ARRB1: variants seen among roughly 807,000 people sequenced by gnomAD.
The protein encoded by ARRB1 is arrestin beta 1.
Under a neutral mutation model 56.8 loss-of-function variants are expected in ARRB1, and 21 were observed. The ratio of observed to expected loss-of-function variants is 0.37; its 90% CI spans 0.26 to 0.53. ARRB1 has a LOEUF of 0.53. ARRB1 is among the 20% of genes least tolerant of loss of function. The pLI is 0.88. For missense variants in ARRB1, 424 were observed against 553.7 expected, an observed-to-expected ratio of 0.77 and a Z score of 2.35; for synonymous variants, 210 against 218.6, an observed-to-expected ratio of 0.96 and a Z score of 0.35.
intron 15 of ARRB1, among the ~76,000 whole-genome samples, chr11:75,266,702 C>T (rs1945924670): frequency 6.6e-6 from 1 of 152,150 alleles, no homozygotes; most frequent in African/African-American, 2.4e-5. Context: ...GCAAACCCCA[C>T]CCCACCACCC....
At chr11:75,344,016 C>T (rs774089581) in intron 1 of ARRB1, among the ~76,000 whole-genome samples, 7 of 152,128 alleles carry the variant, frequency 4.6e-5, no homozygotes, top group African/African-American at 1.4e-4. Flanking sequence ...AAGGTTTCAC[C>T]GTGTTAGCCA....
At chr11:75,289,140 C>T (rs1204029083) in intron 2 of ARRB1, among the ~76,000 whole-genome samples, 1 of 152,152 alleles carries the variant, frequency 6.6e-6, no homozygotes, top group Non-Finnish European at 1.5e-5. Flanking sequence ...GATGTGGAAG[C>T]ACACGTGGTG....
intron 1 of ARRB1, among the ~76,000 whole-genome samples, chr11:75,317,378 T>G (rs1947281799): frequency 6.6e-6 from 1 of 152,118 alleles, no homozygotes; most frequent in Non-Finnish European, 1.5e-5. Flanking sequence ...TATTAACTTC[T>G]GTGAAAATAA....
rs1404937818 is a variant in ARRB1, at chr11:75,268,926, C to T, written c.1056G>A (p.Met352Ile). The change falls in exon 14 of 16, where the codon ATG becomes ATA. Residue 352 changes from methionine to isoleucine, a missense_variant. By Grantham distance (10) the Met-to-Ile change is conservative. Around this residue, in one of 3 missense-constraint regions of ARRB1, gnomAD observed 121 missense variants for 147.3 expected, o/e 0.82. Transcript: ENST00000420843. ...GGGGTTCCTCTTTGGGCTTGGGGTG[C>T]ATTAGGGTGAAGGGCAGTTCCACGG... ...DVAVELPFTL[M>I]HPKPKEEPPH... The T allele has an allele frequency of 3.7e-6, 6 of 1,611,400 alleles. No homozygotes were observed. Among genetic ancestry groups the T allele is most frequent in the Non-Finnish European group, 5.1e-6 (6 of 1,179,326 alleles).
intron 7 of ARRB1, 161 bp downstream of exon 7, chr11:75,280,914 C>A (rs556809103): frequency 7.7e-6 from 6 of 782,918 alleles, no homozygotes; most frequent in East Asian, 5.4e-5. Flanking sequence ...CCCAAGGAAG[C>A]CCTCCGTGAC....
intron 1 of ARRB1, among the ~76,000 whole-genome samples, chr11:75,313,158 AC>A (rs1947197827): frequency 6.6e-6 from 1 of 151,942 alleles, no homozygotes; most frequent in African/African-American, 2.4e-5. Flanking sequence ...TTCGAAACCA[AC>A]CTGGCCAACA....
At position 75,267,161 on chromosome 11, in the gene ARRB1, G is replaced by A. The variant is rs35089648; in HGVS notation, c.1145+491C>T. ...AGCCACTTGGACCTGGAGGCGGTCC[G>A]CGCAGTCGGCCCAGGTCCTCCCCCT... On this transcript the variant is annotated intron_variant, in intron 15 of 15. Transcript: ENST00000420843. Among the ~76,000 whole-genome samples the A allele has an allele frequency of 9.7e-3, 1,476 of 152,332 alleles. 27 individuals are homozygous for A. Among genetic ancestry groups the A allele is most frequent in the African/African-American group, 0.031 (1,294 of 41,564 alleles).
chr11:75,285,883 T>C (rs951584468), intron 3 of ARRB1, among the ~76,000 whole-genome samples: 1 of 152,124 alleles, frequency 6.6e-6, no homozygotes, highest in African/African-American at 2.4e-5. Context: ...GAGGGCCCAC[T>C]GGAAATGACA....
At chr11:75,351,119 T>C (rs1000946837) in intron 1 of ARRB1, among the ~76,000 whole-genome samples, 2 of 152,094 alleles carry the variant, frequency 1.3e-5, no homozygotes, top group African/African-American at 4.8e-5. Flanking sequence ...TGTGCTAGAA[T>C]TGGTGTGTGT....
intron 1 of ARRB1, chr11:75,312,171 G>C: frequency 7.8e-7 from 1 of 1,285,600 alleles, no homozygotes; most frequent in South Asian, 1.2e-5. Flanking sequence ...CCCTCCCCGG[G>C]GAGTGGTGAG....
chr11:75,343,387 G>C (rs1221689204), intron 1 of ARRB1, among the ~76,000 whole-genome samples: 1 of 152,122 alleles, frequency 6.6e-6, no homozygotes, highest in East Asian at 1.9e-4. Context: ...ATGAGGCCTT[G>C]GGAGGCTCAA....
At chr11:75,303,189 A>G (rs1025919415) in intron 1 of ARRB1, among the ~76,000 whole-genome samples, 4 of 151,978 alleles carry the variant, frequency 2.6e-5, no homozygotes, top group Non-Finnish European at 5.9e-5. Flanking sequence ...TTTAGTAGAG[A>G]CAGGGTTTCA....
chr11:75,272,854 C>T (rs1269667531), intron 12 of ARRB1, 41 bp downstream of exon 12: 5 of 1,608,022 alleles, frequency 3.1e-6, no homozygotes, highest in South Asian at 1.1e-5. Context: ...GGGACGCTCC[C>T]CTCTGCACTC....
rs12360540 is a variant in ARRB1 at position 75,346,605 on chromosome 11, A to G, written c.20+4983T>C. Among the ~76,000 whole-genome samples, 1,218 of 152,190 alleles carry G rather than the reference A, an allele frequency of 8.0e-3. 8 individuals carry two copies. The highest frequency in any genetic ancestry group is 0.014 in the Non-Finnish European group (928 of 67,994). ...TCACCACTCCACCAAAACCCATGCC[A>G]CCAGCTAATGCCTTCTGGCTGAATC... On this transcript the variant is annotated intron_variant, in intron 1 of 15. Transcript: ENST00000420843.
At chr11:75,282,721 C>G (rs1268345285) in intron 5 of ARRB1, among the ~76,000 whole-genome samples, 5 of 152,218 alleles carry the variant, frequency 3.3e-5, no homozygotes, top group Non-Finnish European at 7.3e-5. Flanking sequence ...TTTCAGCAGC[C>G]ATAGGGAGCT....
rs567132663 is a variant in ARRB1 at position 75,303,058 on chromosome 11, G to A, written c.21-13019C>T. On this transcript the variant is annotated intron_variant, in intron 1 of 15. Transcript: ENST00000420843. ...GCTCTGTCACCCAGGCTGGAGTGGAGTGGCATGATCTTGGCTCACTGCAAC... is the reference window on the plus strand; with the variant it reads ...GCTCTGTCACCCAGGCTGGAGTGGAATGGCATGATCTTGGCTCACTGCAAC... Among the ~76,000 whole-genome samples, 5 of 152,146 alleles carry A rather than the reference G, an allele frequency of 3.3e-5. No homozygotes were observed. In the East Asian group the frequency reaches 7.7e-4, roughly 24 times the overall value.
Position 75,262,897 on chromosome 11 carries a change from G to A in ARRB1, c.*3266C>T, listed in dbSNP as rs886499500. ...TAGCAGGTCTGAGCTTTGAGGCTGA[G>A]GAGAGGTGCAGCCAAATAACTCAGT... On this transcript the variant is annotated 3_prime_UTR_variant, in exon 16 of 16. Coordinates refer to ENST00000420843, the MANE Select transcript of ARRB1 (RefSeq NM_004041.5). 1.3e-5 allele frequency among the ~76,000 whole-genome samples: 2 copies of A among 152,206 alleles called. No individual in the cohort carries two copies. Among genetic ancestry groups the A allele is most frequent in the Admixed American group, 1.3e-4 (2 of 15,276 alleles).
chr11:75,310,020 C>T (rs890562660), intron 1 of ARRB1, among the ~76,000 whole-genome samples: 2 of 152,278 alleles, frequency 1.3e-5, no homozygotes, highest in Admixed American at 1.3e-4. Flanking sequence ...TGCTGGCCCT[C>T]TTAGCCACCA....
intron 1 of ARRB1, among the ~76,000 whole-genome samples, chr11:75,327,330 T>C (rs1331388024): frequency 3.6e-5 from 5 of 138,806 alleles, no homozygotes; most frequent in Non-Finnish European, 7.8e-5. Context: ...AAAAGAATAA[T>C]TGTATAAAAT....
Sources: allele counts gnomAD v4.1 joint callset (sites outside exome capture counted in the v4.1 genomes callset), GRCh38; gene constraint gnomAD v4.1.1; regional missense constraint gnomAD v4.1.1; transcripts MANE v1.5; gene names NCBI Gene and HGNC (gene_info 2026-07-23, HGNC 2026-07-21).